The following KCNT2 variants were observed in gnomAD, a reference collection of about 807,000 sequenced individuals.
KCNT2 encodes the protein potassium channel subfamily T member 2.
In KCNT2, 67 loss-of-function variants were observed where a neutral mutation model predicts 153.8. The observed-to-expected ratio is 0.44, with a 90% CI of 0.36 to 0.53. The LOEUF (loss-of-function observed/expected upper bound fraction) is 0.53. Among genes scored for constraint, KCNT2 ranks in the 20% least tolerant of loss-of-function variants. The pLI is 0.00. For missense variants in KCNT2, 975 were observed against 1,354.8 expected, an observed-to-expected ratio of 0.72 and a Z score of 4.40; for synonymous variants, 500 against 458.8, an observed-to-expected ratio of 1.09 and a Z score of -1.15.
chr1:196,248,782 T>C (rs1366391926), intron 26 of KCNT2, among the ~76,000 whole-genome samples: 1 of 152,168 alleles, frequency 6.6e-6, no homozygotes, highest in African/African-American at 2.4e-5. Flanking sequence ...GAAGGAATAC[T>C]TCCAAAGTCT....
In KCNT2 at chr1:196,331,231, T is replaced by C. The variant is rs142619294; in HGVS notation, c.2028A>G (p.Pro676=). ...AAAAAGTGGGTGAACTTCCTATATATGGAGAATAAGGTGGGTAACCTTTAG... is the reference window on the plus strand; with the variant it reads ...AAAAAGTGGGTGAACTTCCTATATACGGAGAATAAGGTGGGTAACCTTTAG... ...EYAKGYPPYS[P]YIGSSPTFCH... is the part of the protein sequence containing the mutation. Residue 676 remains proline (P), a synonymous_variant, in exon 18 of 28, where the codon CCA becomes CCG. Coordinates refer to ENST00000294725, the MANE Select transcript of KCNT2 (RefSeq NM_198503.5). 5 of 1,604,000 alleles carry C rather than the reference T, an allele frequency of 3.1e-6. No individual in the cohort carries two copies. Among genetic ancestry groups the C allele is most frequent in the Non-Finnish European group, 4.3e-6 (5 of 1,171,270 alleles).
At chr1:196,384,824 A>T (rs531451859) in intron 13 of KCNT2, among the ~76,000 whole-genome samples, 25 of 152,154 alleles carry the variant, frequency 1.6e-4, no homozygotes, top group African/African-American at 5.8e-4. Flanking sequence ...CCCTTGAATT[A>T]GGCATTTAGA....
intron 9 of KCNT2, among the ~76,000 whole-genome samples, chr1:196,429,190 T>C (rs912591523): frequency 6.6e-6 from 1 of 151,946 alleles, no homozygotes; most frequent in Non-Finnish European, 1.5e-5. Context: ...TTCATTGCAG[T>C]GTATGACTTT....
At chr1:196,531,414 C>A (rs1654921222) in intron 1 of KCNT2, among the ~76,000 whole-genome samples, 1 of 152,074 alleles carries the variant, frequency 6.6e-6, no homozygotes, top group African/African-American at 2.4e-5. Flanking sequence ...TGCAAGAGGA[C>A]TTAGAATGCA....
chr1:196,391,423 G>A (rs746007163), intron 13 of KCNT2, among the ~76,000 whole-genome samples: 11 of 151,312 alleles, frequency 7.3e-5, no homozygotes, highest in Admixed American at 1.3e-4. Context: ...AAATACCATA[G>A]GCATAGGATA....
chr1:196,538,727 C>T (rs763111553), intron 1 of KCNT2, among the ~76,000 whole-genome samples: 1 of 152,160 alleles, frequency 6.6e-6, no homozygotes, highest in Non-Finnish European at 1.5e-5. Context: ...CTTCAGCCTA[C>T]TCCTGACTAA....
chr1:196,401,698 C>T (rs1440459640), intron 12 of KCNT2, among the ~76,000 whole-genome samples: 8 of 151,322 alleles, frequency 5.3e-5, no homozygotes, highest in East Asian at 2.0e-4. Context: ...TTGTGTAACA[C>T]GGTAAAAAGG....
chr1:196,602,071 T>G (rs61005987), intron 1 of KCNT2, among the ~76,000 whole-genome samples: 2,616 of 152,266 alleles, frequency 0.017, 75 homozygotes, highest in African/African-American at 0.059. Flanking sequence ...TGTGAAAGAT[T>G]AAAAATAATT....
At chr1:196,363,915 G>A (rs1004239158) in intron 14 of KCNT2, among the ~76,000 whole-genome samples, 1 of 152,082 alleles carries the variant, frequency 6.6e-6, no homozygotes, top group Non-Finnish European at 1.5e-5. Context: ...ATACATAGAG[G>A]CACATCTGTA....
chr1:196,340,474 G>T lies in KCNT2; in HGVS notation c.1650C>A (p.Cys550Ter). The change falls in exon 16 of 28, where the codon TGC (cysteine) becomes TGA (stop). Residue 550 changes from cysteine (C) to a stop codon, truncating the protein, a stop_gained. Transcript: ENST00000294725. LOFTEE classifies it high-confidence loss of function. ...PRYIMNSTDICFYINITKEEN... is the reference protein window; with the variant it reads ...PRYIMNSTDI ...CTTCTTTGGTAATATTAATATAAAA[G>T]CATATGTCTGTAGAATTCATAATGT... 1 of 1,611,042 alleles carries T rather than the reference G, an allele frequency of 6.2e-7. No homozygotes were observed. Among genetic ancestry groups the T allele is most frequent in the Non-Finnish European group, 8.5e-7 (1 of 1,177,938 alleles).
intron 8 of KCNT2, among the ~76,000 whole-genome samples, chr1:196,439,418 T>G (rs1437936459): frequency 1.3e-5 from 2 of 151,960 alleles, no homozygotes; most frequent in South Asian, 2.1e-4. Flanking sequence ...TTTCACATAC[T>G]TTAATAATTC....
chr1:196,299,947 A>G lies in KCNT2; in HGVS notation c.2595+5287T>C, dbSNP rs536780487. On this transcript the variant is annotated intron_variant, in intron 22 of 27. Coordinates refer to ENST00000294725, the MANE Select transcript of KCNT2 (RefSeq NM_198503.5). ...AAAATAATGAAATCGTGTTATTTGC[A>G]GCAACATGGATGGTTTCTCTTAACA... Among the ~76,000 whole-genome samples, 26 of 152,366 alleles carry G rather than the reference A, an allele frequency of 1.7e-4. 1 individual carries two copies. In the South Asian group the frequency reaches 5.4e-3, roughly 32 times the overall value.
chr1:196,247,616 AAGG>A (rs1323705644), intron 26 of KCNT2, among the ~76,000 whole-genome samples: 2 of 152,160 alleles, frequency 1.3e-5, no homozygotes, highest in Non-Finnish European at 2.9e-5. Context: ...TGATGGCATG[AAGG>A]AGAAGTGCTG....
At chr1:196,603,297 C>T (rs1664961924) in intron 1 of KCNT2, among the ~76,000 whole-genome samples, 1 of 152,050 alleles carries the variant, frequency 6.6e-6, no homozygotes, top group Admixed American at 6.6e-5. Flanking sequence ...ATGTGTCATT[C>T]ATTTTAATGG....
intron 13 of KCNT2, among the ~76,000 whole-genome samples, chr1:196,386,414 T>G (rs1669991449): frequency 6.6e-6 from 1 of 152,146 alleles, no homozygotes; most frequent in African/African-American, 2.4e-5. Context: ...CAATGAGAAC[T>G]GAGTTAACCT....
chr1:196,320,946 G>A (rs1208276599), intron 19 of KCNT2, among the ~76,000 whole-genome samples: 1 of 147,236 alleles, frequency 6.8e-6, no homozygotes, highest in Non-Finnish European at 1.5e-5. Flanking sequence ...ATTTAACACT[G>A]GTATTCACAT....
At chr1:196,440,786 A>T (rs995555839) in intron 8 of KCNT2, among the ~76,000 whole-genome samples, 1 of 151,804 alleles carries the variant, frequency 6.6e-6, no homozygotes, top group African/African-American at 2.4e-5. Context: ...CCTTCATCTC[A>T]ATTTGATTCT....
intron 14 of KCNT2, among the ~76,000 whole-genome samples, chr1:196,348,501 T>C (rs1260838310): frequency 6.6e-6 from 1 of 152,204 alleles, no homozygotes; most frequent in Non-Finnish European, 1.5e-5. Context: ...ATCTGTTATC[T>C]ACTTCATACT....
chr1:196,261,071 T>C (rs1656980134), intron 25 of KCNT2, among the ~76,000 whole-genome samples: 1 of 151,804 alleles, frequency 6.6e-6, no homozygotes. Context: ...AGGAGGTCCA[T>C]TTATAAATAT....
Sources: allele counts gnomAD v4.1 joint callset (sites outside exome capture counted in the v4.1 genomes callset), GRCh38; gene constraint gnomAD v4.1.1; transcripts MANE v1.5; gene names NCBI Gene and HGNC (gene_info 2026-07-23, HGNC 2026-07-21).